The following OTX2 variants were observed in gnomAD, a reference collection of about 807,000 sequenced individuals.
The protein encoded by OTX2 is homeobox protein OTX2.
A neutral mutation model predicts 29.0 loss-of-function variants in OTX2; 4 were observed. The observed-to-expected ratio is 0.14, with a 90% CI of 0.07 to 0.32. OTX2 has a LOEUF of 0.32. Among genes scored for constraint, OTX2 ranks in the 10% least tolerant of loss-of-function variants. OTX2 has a pLI of 1.00. For synonymous variants in OTX2, 134 were observed against 141.0 expected (o/e 0.95, Z 0.35); for missense variants, 298 against 365.9 (o/e 0.81, Z 1.51).
At chr14:56,806,726 A>G (rs751756133) in intron 2 of OTX2, 3 of 152,238 alleles carry the variant, frequency 2.0e-5, no homozygotes, top group African/African-American at 4.8e-5. Flanking sequence ...CTACAATCCT[A>G]TAAGAAAAAG....
In OTX2 at chr14:56,801,691, C is replaced by T. The variant is rs1485650070; in HGVS notation, c.*44G>A. On this transcript the variant is annotated 3_prime_UTR_variant, in exon 5 of 5. Coordinates refer to ENST00000672264, the MANE Select transcript of OTX2 (RefSeq NM_021728.4). The surrounding 1 kb of genome is among the most constrained non-coding windows in gnomAD (Gnocchi z 4.2). ...CTGGCTAAAACTGGAATGTCCAGCC[C>T]AGTATATTTAAAAATCACCCACAAA... 6.2e-7 allele frequency: 1 copy of T among 1,601,932 alleles called. No individual in the cohort carries two copies. Among genetic ancestry groups the T allele is most frequent in the East Asian group, 2.2e-5 (1 of 44,844 alleles).
chr14:56,801,626 G>T lies in OTX2; in HGVS notation c.*109C>A. 3.9e-6 allele frequency: 5 copies of T among 1,268,710 alleles called. No homozygotes were observed. The highest frequency in any genetic ancestry group is 2.6e-4 in the Middle Eastern group (1 of 3,778). 78.6% of individuals were successfully genotyped at this position (1,268,710 alleles called of 1,614,324 possible). A position where few individuals can be genotyped will look rare whatever the true frequency, so the allele number is the denominator to read the frequency against. ...ATGCCTCTCGGAACTTTGATCAGAT[G>T]AGTCTGAGCATCATCCCATCTAACT... is the stretch of plus-strand genomic sequence containing the variant. On this transcript the variant is annotated 3_prime_UTR_variant, in exon 5 of 5. Transcript: ENST00000672264. This position sits in a 1 kb window ranked among gnomAD's most constrained non-coding sequence, Gnocchi z 4.2.
At position 56,801,283 on chromosome 14, in the gene OTX2, T is replaced by C. The variant is rs894436849; in HGVS notation, c.*452A>G. On this transcript the variant is annotated 3_prime_UTR_variant, in exon 5 of 5. Coordinates refer to ENST00000672264, the MANE Select transcript of OTX2 (RefSeq NM_021728.4). This position sits in a 1 kb window ranked among gnomAD's most constrained non-coding sequence, Gnocchi z 4.2. ...ACACAGCCCTGAAAAGTTTTTTCAG[T>C]GCCAACTACCAGTTGGTCATGAAAC... is the stretch of plus-strand genomic sequence containing the variant. The C allele has an allele frequency of 4.5e-6, 1 of 221,182 alleles. No homozygotes were observed. Among genetic ancestry groups the C allele is most frequent in the Non-Finnish European group, 9.1e-6 (1 of 110,012 alleles). The allele number at this position is 221,182 out of a possible 1,614,324, so 13.7% of individuals were successfully genotyped here. A position where few individuals can be genotyped will look rare whatever the true frequency, so the allele number is the denominator to read the frequency against.
intron 2 of OTX2, among the ~76,000 whole-genome samples, chr14:56,808,809 C>A (rs1309746425): frequency 6.6e-6 from 1 of 152,212 alleles, no homozygotes; most frequent in East Asian, 1.9e-4. Flanking sequence ...CGCACCAGTT[C>A]TATCTGTGAA....
chr14:56,805,379 G>A lies in OTX2; in HGVS notation c.78C>T (p.His26=). The change falls in exon 3 of 5, where the codon CAC becomes CAT. Residue 26 remains histidine, a synonymous_variant. Transcript: ENST00000672264. ...SLTTSGMDLL[H]PSVGYPGPWA... ...ACTTACCCGGGTAGCCCACGGAGGG[G>A]TGCAGCAAGTCCATACCCGAAGTGG... 1.2e-6 allele frequency: 2 copies of A among 1,613,052 alleles called. No individual in the cohort carries two copies. The highest frequency in any genetic ancestry group is 1.7e-6 in the Non-Finnish European group (2 of 1,179,068).
At chr14:56,808,018 TG>T (rs1892150009) in intron 2 of OTX2, among the ~76,000 whole-genome samples, 1 of 151,130 alleles carries the variant, frequency 6.6e-6, no homozygotes. Flanking sequence ...CCCGCAGGCC[TG>T]GCGCCCGAGG....
intron 2 of OTX2, among the ~76,000 whole-genome samples, chr14:56,809,678 T>C (rs1224120378): frequency 1.3e-5 from 2 of 152,246 alleles, no homozygotes; most frequent in African/African-American, 4.8e-5. Flanking sequence ...AGGAGGCGCC[T>C]GGCTTTTTAT....
Position 56,805,567 on chromosome 14 carries a change from G to A in OTX2, c.-111C>T, listed in dbSNP as rs1892059218. 2.8e-6 allele frequency: 2 copies of A among 723,272 alleles called. No homozygotes were observed. The highest frequency in any genetic ancestry group is 2.0e-5 in the Admixed American group (1 of 50,088). 44.8% of individuals were successfully genotyped at this position (723,272 alleles called of 1,614,324 possible). Reference sequence around the variant, plus strand: ...AGAGTCCTTGGTGGGTGGGTTTGGAGCAGTGGAACTAAGGGCAAAGCAAAC... The same window carrying A: ...AGAGTCCTTGGTGGGTGGGTTTGGAACAGTGGAACTAAGGGCAAAGCAAAC... On this transcript the variant is annotated 5_prime_UTR_variant, in exon 3 of 5. Transcript: ENST00000672264.
chr14:56,806,928 T>A (rs1594957253), intron 2 of OTX2, among the ~76,000 whole-genome samples: 2 of 152,118 alleles, frequency 1.3e-5, no homozygotes, highest in South Asian at 4.1e-4. Context: ...TTTGACACCA[T>A]GAGAGATTGC....
In OTX2 at chr14:56,805,562, T is replaced by C; in HGVS notation, c.-106A>G. 1.4e-6 allele frequency: 1 copy of C among 738,006 alleles called. No individual in the cohort carries two copies. 45.7% of individuals were successfully genotyped at this position (738,006 alleles called of 1,614,324 possible). A position where few individuals can be genotyped will look rare whatever the true frequency, so the allele number is the denominator to read the frequency against. ...GGTTCAGAGTCCTTGGTGGGTGGGT[T>C]TGGAGCAGTGGAACTAAGGGCAAAG... On this transcript the variant is annotated 5_prime_UTR_variant, in exon 3 of 5. Coordinates refer to ENST00000672264, the MANE Select transcript of OTX2 (RefSeq NM_021728.4).
chr14:56,804,006 G>T lies in OTX2; in HGVS notation c.273+182C>A, dbSNP rs150362258. Among the ~76,000 whole-genome samples, 1 of 152,278 alleles carries T rather than the reference G, an allele frequency of 6.6e-6. No individual in the cohort carries two copies. Among genetic ancestry groups the T allele is most frequent in the African/African-American group, 2.4e-5 (1 of 41,536 alleles). ...GGGCCTTGAAGACCCTTGCTTACGG[G>T]ATTAAGTGGTGACGGGCAGGCAAAA... On this transcript the variant is annotated intron_variant, in intron 4 of 4. Transcript: ENST00000672264. The surrounding 1 kb of genome is among the most constrained non-coding windows in gnomAD (Gnocchi z 4.1).
chr14:56,801,087 G>T lies in OTX2; in HGVS notation c.*648C>A, dbSNP rs886050556. 1 of 157,106 alleles carries T rather than the reference G, an allele frequency of 6.4e-6. No homozygotes were observed. Among genetic ancestry groups the T allele is most frequent in the Non-Finnish European group, 1.4e-5 (1 of 70,606 alleles). The allele number at this position is 157,106 out of a possible 1,614,324, so 9.7% of individuals were successfully genotyped here. Reference sequence around the variant, plus strand: ...AACCCCTGCAGAGGTGGAGTTCAAGGTTGCATACAATAACAGGAGATCACA... The same window carrying T: ...AACCCCTGCAGAGGTGGAGTTCAAGTTTGCATACAATAACAGGAGATCACA... On this transcript the variant is annotated 3_prime_UTR_variant, in exon 5 of 5. Coordinates refer to ENST00000672264, the MANE Select transcript of OTX2 (RefSeq NM_021728.4). This position sits in a 1 kb window ranked among gnomAD's most constrained non-coding sequence, Gnocchi z 4.2.
rs998352592 is a variant in OTX2 at position 56,804,003 on chromosome 14, C to T, written c.273+185G>A. On this transcript the variant is annotated intron_variant, in intron 4 of 4. Coordinates refer to ENST00000672264, the MANE Select transcript of OTX2 (RefSeq NM_021728.4). This position sits in a 1 kb window ranked among gnomAD's most constrained non-coding sequence, Gnocchi z 4.1. Reference sequence around the variant, plus strand: ...CCCGGGCCTTGAAGACCCTTGCTTACGGGATTAAGTGGTGACGGGCAGGCA... The same window carrying T: ...CCCGGGCCTTGAAGACCCTTGCTTATGGGATTAAGTGGTGACGGGCAGGCA... Among the ~76,000 whole-genome samples the T allele has an allele frequency of 1.3e-5, 2 of 152,206 alleles. No homozygotes were observed. The highest frequency in any genetic ancestry group is 1.9e-4 in the East Asian group (1 of 5,170).
chr14:56,802,437 C>G lies in OTX2; in HGVS notation c.274-82G>C. ...ATGGCTCCCGTATTATAAATCTATCCTACATGGGCAGATCAGCTAAACACA... is the reference window on the plus strand; with the variant it reads ...ATGGCTCCCGTATTATAAATCTATCGTACATGGGCAGATCAGCTAAACACA... On this transcript the variant is annotated intron_variant, in intron 4 of 4. Transcript: ENST00000672264. The surrounding 1 kb of genome is among the most constrained non-coding windows in gnomAD (Gnocchi z 4.4). The G allele has an allele frequency of 2.0e-6, 3 of 1,471,208 alleles. No homozygotes were observed. Among genetic ancestry groups the G allele is most frequent in the Non-Finnish European group, 2.8e-6 (3 of 1,057,910 alleles). The allele number at this position is 1,471,208 out of a possible 1,614,324, so 91.1% of individuals were successfully genotyped here.
intron 2 of OTX2, among the ~76,000 whole-genome samples, chr14:56,807,005 G>A (rs1594957335): frequency 1.3e-5 from 2 of 152,030 alleles, no homozygotes; most frequent in Admixed American, 6.6e-5. Context: ...TCATATTTAC[G>A]TTGCTTAAGA....
chr14:56,805,217 G>A (rs1393801837), intron 3 of OTX2, 143 bp downstream of exon 3: 2 of 646,688 alleles, frequency 3.1e-6, no homozygotes, highest in Admixed American at 2.3e-5. Flanking sequence ...TTCCTCAGAA[G>A]GCAAACCTAG....
intron 4 of OTX2, among the ~76,000 whole-genome samples, chr14:56,803,261 G>A (rs1459126331): frequency 1.3e-5 from 2 of 152,210 alleles, no homozygotes; most frequent in African/African-American, 2.4e-5. Context: ...TTTTGAATGA[G>A]CTCTCTGTAT....
chr14:56,804,498 T>TG lies in OTX2; in HGVS notation c.98-136_98-135insC. 1.2e-6 allele frequency: 1 copy of TG among 816,076 alleles called. No homozygotes were observed. The highest frequency in any genetic ancestry group is 1.8e-5 in the South Asian group (1 of 54,864). 50.6% of individuals were successfully genotyped at this position (816,076 alleles called of 1,614,324 possible). On this transcript the variant is annotated intron_variant, in intron 3 of 4. Transcript: ENST00000672264. This position sits in a 1 kb window ranked among gnomAD's most constrained non-coding sequence, Gnocchi z 4.1. Reference sequence around the variant, plus strand: ...GAGCCTACCAATGCTCTCCCCACCGTCTCCCCAGCCTTGCTCCCCGGGGAC... The same window carrying TG: ...GAGCCTACCAATGCTCTCCCCACCGTGCTCCCCAGCCTTGCTCCCCGGGGAC...
chr14:56,801,872 C>T lies in OTX2; in HGVS notation c.757G>A (p.Ala253Thr), dbSNP rs139800030. Residue 253 changes from alanine (A) to threonine (T), a missense_variant, in exon 5 of 5, where the codon GCT (alanine) becomes ACT (threonine). By Grantham distance (58) the Ala-to-Thr change is moderately conservative (BLOSUM62 0). Coordinates refer to ENST00000672264, the MANE Select transcript of OTX2 (RefSeq NM_021728.4). This position sits in a 1 kb window ranked among gnomAD's most constrained non-coding sequence, Gnocchi z 4.2. ...GTTGAGTTAAAACCCAAGCTTGAAG[C>T]TCCATATCCCTGGGTGGAAAGAGAA... ...PASLSTQGYG[A>T]SSLGFNSTTD... 93 of 1,614,074 alleles carry T rather than the reference C, an allele frequency of 5.8e-5. 1 individual carries two copies. Among genetic ancestry groups the T allele is most frequent in the Non-Finnish European group, 7.5e-5 (88 of 1,180,048 alleles).
Sources: gnomAD v4.1 joint callset for allele counts (sites outside exome capture counted in the v4.1 genomes callset) on GRCh38, gnomAD v4.1.1 for gene constraint, Gnocchi (gnomAD v3.1) non-coding constraint, MANE v1.5 for transcripts, NCBI Gene and HGNC (gene_info 2026-07-23, HGNC 2026-07-21) for gene names.